Variants in ARID2 observed in about 807,000 individuals in gnomAD.
The protein encoded by ARID2 is AT-rich interaction domain 2.
Under a neutral mutation model 184.6 loss-of-function variants are expected in ARID2, and 32 were observed. That is an observed-to-expected ratio of 0.17 (90% CI 0.13 to 0.23). The LOEUF is 0.23. Among genes scored for constraint, ARID2 ranks in the 10% least tolerant of loss-of-function variants. ARID2 has a pLI of 1.00. For synonymous variants in ARID2, 836 were observed against 772.6 expected (o/e 1.08, Z -1.36); for missense variants, 1,696 against 2,197.6 (o/e 0.77, Z 4.56).
chr12:45,808,732 C>CGTGT lies in ARID2; in HGVS notation c.285-2683_285-2682insTGTG, dbSNP rs1218516221. Among the ~76,000 whole-genome samples the CGTGT allele has an allele frequency of 5.3e-3, 773 of 146,582 alleles. 5 individuals are homozygous for CGTGT. The highest frequency in any genetic ancestry group is 0.019 in the African/African-American group (741 of 39,620). ...GGCCGTTATTAAAAATGTGTGTTTG[C>CGTGT]GTGCGTGTGTGTGTGTGTGTGTGTG... On this transcript the variant is annotated intron_variant, in intron 3 of 20. Transcript: ENST00000334344.
chr12:45,758,254 A>G (rs927468289), intron 3 of ARID2, among the ~76,000 whole-genome samples: 1 of 152,240 alleles, frequency 6.6e-6, no homozygotes, highest in East Asian at 1.9e-4. Context: ...GTCCAACTTC[A>G]TAGACTTTCT....
intron 20 of ARID2, among the ~76,000 whole-genome samples, chr12:45,899,270 C>CAAAA (rs774912363): frequency 1.1e-4 from 5 of 46,332 alleles, no homozygotes; most frequent in South Asian, 9.7e-4. Context: ...GACTCTGTCT[C>CAAAA]AAAAAAAAAA....
chr12:45,813,731 G>A (rs1942755857), intron 4 of ARID2, among the ~76,000 whole-genome samples: 3 of 151,982 alleles, frequency 2.0e-5, no homozygotes, highest in Non-Finnish European at 4.4e-5. Context: ...ATAGAATGTG[G>A]GCCTGAATTT....
chr12:45,851,771 G>C lies in ARID2; in HGVS notation c.3648G>C (p.Thr1216=), dbSNP rs765132395. ...TQTGVGLPVQ[T]LPATQASPAG... The stretch of plus-strand genomic sequence containing the variant: ...CAGGAGTTGGACTTCCAGTACAAAC[G>C]CTTCCAGCCACTCAAGCATCTCCTG... Residue 1216 remains threonine, a synonymous_variant, in exon 15 of 21, where the codon ACG becomes ACC. Transcript: ENST00000334344. The C allele has an allele frequency of 6.2e-7, 1 of 1,613,930 alleles. No individual in the cohort carries two copies. Among genetic ancestry groups the C allele is most frequent in the Admixed American group, 1.7e-5 (1 of 59,996 alleles).
At chr12:45,774,523 A>G (rs1349675264) in intron 3 of ARID2, among the ~76,000 whole-genome samples, 2 of 152,112 alleles carry the variant, frequency 1.3e-5, no homozygotes, top group Non-Finnish European at 2.9e-5. Context: ...GTATGTATGC[A>G]TGTGTGTACA....
At chr12:45,744,353 A>AT (rs550651966) in intron 3 of ARID2, among the ~76,000 whole-genome samples, 99 of 152,118 alleles carry the variant, frequency 6.5e-4, no homozygotes, top group African/African-American at 1.8e-3. Context: ...AGATTTAGTG[A>AT]TTTTTTTGTG....
At chr12:45,756,992 C>G (rs1173358238) in intron 3 of ARID2, among the ~76,000 whole-genome samples, 1 of 152,154 alleles carries the variant, frequency 6.6e-6, no homozygotes, top group Non-Finnish European at 1.5e-5. Flanking sequence ...GAATAGTCTC[C>G]TTGCAATGCA....
In ARID2 at chr12:45,851,801, A is replaced by G. The variant is rs761041033; in HGVS notation, c.3678A>G (p.Gly1226=). 1.9e-6 allele frequency: 3 copies of G among 1,614,176 alleles called. No individual in the cohort carries two copies. The East Asian group carries it at 6.7e-5, about 36-fold the overall frequency. ...CAGCCACTCAAGCATCTCCTGCTGG[A>G]CAATCATCATGTACTACTGCTACTC... The part of the protein sequence containing the change: ...TLPATQASPA[G]QSSCTTATPP... Residue 1226 remains glycine (G), a synonymous_variant, in exon 15 of 21, where the codon GGA becomes GGG. Coordinates refer to ENST00000334344, the MANE Select transcript of ARID2 (RefSeq NM_152641.4).
chr12:45,832,926 T>C (rs1233379789), intron 6 of ARID2, among the ~76,000 whole-genome samples: 1 of 152,186 alleles, frequency 6.6e-6, no homozygotes, highest in African/African-American at 2.4e-5. Context: ...AACTTGAGCA[T>C]GTGGAAAATT....
At chr12:45,734,591 A>G (rs1941072879) in intron 3 of ARID2, among the ~76,000 whole-genome samples, 2 of 152,066 alleles carry the variant, frequency 1.3e-5, no homozygotes, top group South Asian at 2.1e-4. Flanking sequence ...AAAAAAATTA[A>G]ATGGCTTAGG....
At chr12:45,796,647 G>T (rs1467261940) in intron 3 of ARID2, among the ~76,000 whole-genome samples, 3 of 152,134 alleles carry the variant, frequency 2.0e-5, no homozygotes, top group Non-Finnish European at 4.4e-5. Context: ...CAGAGTAGCT[G>T]GGATTACAGG....
At position 45,806,754 on chromosome 12, in the gene ARID2, A is replaced by G. The variant is rs150354573; in HGVS notation, c.285-4664A>G. On this transcript the variant is annotated intron_variant, in intron 3 of 20. Transcript: ENST00000334344. ...CTGGATTTTTTTGCCTAGTGTTTTC[A>G]TCTTGAAGTTATCACATCAGTGTAG... Among the ~76,000 whole-genome samples, 49 of 152,102 alleles carry G rather than the reference A, an allele frequency of 3.2e-4. No individual in the cohort carries two copies. The East Asian group carries it at 8.1e-3, about 25-fold the overall frequency.
intron 16 of ARID2, among the ~76,000 whole-genome samples, chr12:45,891,128 G>A (rs191033843): frequency 2.2e-3 from 334 of 150,044 alleles, no homozygotes; most frequent in Middle Eastern, 7.0e-3. Context: ...TCGCACCACT[G>A]CACTCCAGCC....
At chr12:45,772,928 C>T (rs1471132645) in intron 3 of ARID2, among the ~76,000 whole-genome samples, 1 of 152,100 alleles carries the variant, frequency 6.6e-6, no homozygotes, top group Admixed American at 6.5e-5. Context: ...CCAAGAGTAG[C>T]AGAACACTAT....
Position 45,766,725 on chromosome 12 carries a change from A to G in ARID2, c.284+35411A>G, listed in dbSNP as rs1941777466. Among the ~76,000 whole-genome samples the G allele has an allele frequency of 2.0e-5, 3 of 152,062 alleles. No individual in the cohort carries two copies. In the South Asian group the frequency reaches 6.2e-4, roughly 32 times the overall value. On this transcript the variant is annotated intron_variant, in intron 3 of 20. Coordinates refer to ENST00000334344, the MANE Select transcript of ARID2 (RefSeq NM_152641.4). ...GGGACAGGGTTTCACCGTGTTAGCC[A>G]GGATGGTCTCGATCTCCTGACCTTG...
intron 3 of ARID2, among the ~76,000 whole-genome samples, chr12:45,802,037 A>G (rs567036694): frequency 6.6e-6 from 1 of 151,464 alleles, no homozygotes; most frequent in East Asian, 1.9e-4. Context: ...GTGTAGATAT[A>G]AGAGTTTTGT....
chr12:45,816,169 G>T (rs1235692448), intron 4 of ARID2, among the ~76,000 whole-genome samples: 1 of 152,104 alleles, frequency 6.6e-6, no homozygotes, highest in African/African-American at 2.4e-5. Context: ...TGTTCTGTAA[G>T]CCCGTTTTAT....
chr12:45,840,505 T>G (rs1592111490), intron 11 of ARID2: 2 of 152,300 alleles, frequency 1.3e-5, no homozygotes, highest in South Asian at 2.1e-4. Flanking sequence ...TCCCATATCT[T>G]AAATCTCTTT....
At chr12:45,735,095 A>C (rs1941082387) in intron 3 of ARID2, among the ~76,000 whole-genome samples, 1 of 151,478 alleles carries the variant, frequency 6.6e-6, no homozygotes, top group Non-Finnish European at 1.5e-5. Flanking sequence ...TTTCAATCGC[A>C]TTGTGAATTT....
Sources: gnomAD v4.1 joint callset for allele counts (sites outside exome capture counted in the v4.1 genomes callset) on GRCh38, gnomAD v4.1.1 for gene constraint, MANE v1.5 for transcripts, NCBI Gene and HGNC (gene_info 2026-07-23, HGNC 2026-07-21) for gene names.